The following SLC17A8 variants were observed in gnomAD, a reference collection of about 807,000 sequenced individuals.
The protein encoded by SLC17A8 is vesicular glutamate transporter 3.
Under a neutral mutation model 58.0 loss-of-function variants are expected in SLC17A8, and 31 were observed. That is an observed-to-expected ratio of 0.53 (90% CI 0.40 to 0.72). The LOEUF is 0.72. SLC17A8 is among the 30% of genes least tolerant of loss of function. The probability of loss-of-function intolerance (pLI) is 0.00; values close to 1 mark genes in which losing one functional copy is unlikely to be tolerated. For synonymous variants in SLC17A8, 228 were observed against 249.0 expected (o/e 0.92, Z 0.79); for missense variants, 655 against 727.8 (o/e 0.90, Z 1.15).
chr12:100,398,098 A>G (rs775167263), intron 5 of SLC17A8, among the ~76,000 whole-genome samples: 5 of 152,160 alleles, frequency 3.3e-5, no homozygotes, highest in South Asian at 2.1e-4. Flanking sequence ...TTATTTCTGC[A>G]TATGTTTTAA....
Position 100,420,165 on chromosome 12 carries a change from G to A in SLC17A8, c.*6G>A. On this transcript the variant is annotated 3_prime_UTR_variant, in exon 12 of 12. Transcript: ENST00000323346. Reference sequence around the variant, plus strand: ...ACTTCTCAACTATATCCTAATGTCTGAGAGGCACTTCTGTCTTCTCCTTAC... The same window carrying A: ...ACTTCTCAACTATATCCTAATGTCTAAGAGGCACTTCTGTCTTCTCCTTAC... 9 of 1,604,592 alleles carry A rather than the reference G, an allele frequency of 5.6e-6. No individual in the cohort carries two copies. Among genetic ancestry groups the A allele is most frequent in the Non-Finnish European group, 7.7e-6 (9 of 1,173,738 alleles).
chr12:100,392,680 T>C (rs1471395649), intron 3 of SLC17A8, among the ~76,000 whole-genome samples: 2 of 152,044 alleles, frequency 1.3e-5, no homozygotes, highest in African/African-American at 4.8e-5. Flanking sequence ...GGAAACATCA[T>C]CAACATAAGT....
rs1442275186 is a variant in SLC17A8 at position 100,418,036 on chromosome 12, T to A, written c.1305T>A (p.Asn435Lys). The change falls in exon 11 of 12, where the codon AAT becomes AAA. Residue 435 changes from asparagine (N) to lysine (K), a missense_variant. Coordinates refer to ENST00000323346, the MANE Select transcript of SLC17A8 (RefSeq NM_139319.3). ...GTTTTGGCTTCACTGTAGGTTTTAA[T>A]GTCAACCACCTGGACATTGCCCCAC... ...GFSGFAISGFNVNHLDIAPRY... is the reference protein window; with the variant it reads ...GFSGFAISGFKVNHLDIAPRY... 6.2e-7 allele frequency: 1 copy of A among 1,614,226 alleles called. No individual in the cohort carries two copies. Among genetic ancestry groups the A allele is most frequent in the African/African-American group, 1.3e-5 (1 of 75,060 alleles).
At chr12:100,383,634 G>A (rs1345992027) in intron 2 of SLC17A8, among the ~76,000 whole-genome samples, 1 of 152,110 alleles carries the variant, frequency 6.6e-6, no homozygotes, top group African/African-American at 2.4e-5. Flanking sequence ...TAAGCAGTAT[G>A]AATAGGTAGA....
intron 9 of SLC17A8, among the ~76,000 whole-genome samples, chr12:100,405,926 C>T (rs1952823220): frequency 6.6e-6 from 1 of 152,082 alleles, no homozygotes; most frequent in Non-Finnish European, 1.5e-5. Context: ...GCGGGCAGAC[C>T]ACTTGAGCTC....
chr12:100,400,394 TA>T (rs1952782744), intron 5 of SLC17A8, among the ~76,000 whole-genome samples: 1 of 152,142 alleles, frequency 6.6e-6, no homozygotes, highest in Admixed American at 6.5e-5. Flanking sequence ...CATTATAGCT[TA>T]CAAAGCATCT....
chr12:100,381,007 G>C, intron 2 of SLC17A8, 54 bp downstream of exon 2: 1 of 1,604,370 alleles, frequency 6.2e-7, no homozygotes, highest in Admixed American at 1.7e-5. Context: ...GGTCTCGCTC[G>C]GTCTCCCAGG....
At chr12:100,410,529 TGGACTATAATCCCAGCGACGGG>T (rs1952860140) in intron 9 of SLC17A8, 1 of 146,474 alleles carries the variant, frequency 6.8e-6, no homozygotes, top group Non-Finnish European at 1.5e-5. Context: ...GGCGTGGTGG[TGGACTATAATCCCAGCGACGGG>T]GGAGGCTGAG....
chr12:100,376,727 G>T (rs1952597083), intron 1 of SLC17A8, among the ~76,000 whole-genome samples: 1 of 152,312 alleles, frequency 6.6e-6, no homozygotes, highest in Non-Finnish European at 1.5e-5. Context: ...TATTACTGTG[G>T]TTGTTACATA....
intron 2 of SLC17A8, among the ~76,000 whole-genome samples, chr12:100,382,134 C>G (rs1351318084): frequency 6.6e-6 from 1 of 152,158 alleles, no homozygotes; most frequent in Non-Finnish European, 1.5e-5. Context: ...GGGTAGAGCA[C>G]GTTGAGGTGG....
intron 1 of SLC17A8, among the ~76,000 whole-genome samples, chr12:100,363,411 C>T (rs1952497372): frequency 6.6e-6 from 1 of 152,136 alleles, no homozygotes; most frequent in Admixed American, 6.5e-5. Flanking sequence ...CTCTGTCGCC[C>T]AGGCTGGATG....
chr12:100,412,609 A>AC (rs1261495792), intron 9 of SLC17A8, among the ~76,000 whole-genome samples, 161 bp from the exon 10 acceptor site: 17 of 151,644 alleles, frequency 1.1e-4, no homozygotes, highest in African/African-American at 3.6e-4. Context: ...AAAAAAAAAA[A>AC]AACTTAAATT....
intron 1 of SLC17A8, among the ~76,000 whole-genome samples, chr12:100,380,206 C>A (rs1170636416): frequency 1.1e-3 from 130 of 119,980 alleles, no homozygotes; most frequent in East Asian, 1.4e-3. Context: ...AACTCCGTCT[C>A]AAAAAAAAAA....
At chr12:100,419,126 C>A (rs908282912) in intron 11 of SLC17A8, among the ~76,000 whole-genome samples, 3 of 152,114 alleles carry the variant, frequency 2.0e-5, no homozygotes, top group African/African-American at 7.2e-5. Context: ...AAGAAGGAGA[C>A]TTCTGATATT....
intron 1 of SLC17A8, among the ~76,000 whole-genome samples, chr12:100,379,970 C>A (rs971262926): frequency 5.3e-5 from 8 of 151,906 alleles, no homozygotes; most frequent in Admixed American, 5.2e-4. Flanking sequence ...GAGGCTGAGG[C>A]GGGCGGATCA....
rs59689031 is a variant in SLC17A8 at position 100,421,658 on chromosome 12, G to GTTTTTTT, written c.*1515_*1521dup. The GTTTTTTT allele has an allele frequency of 1.5e-4, 16 of 109,874 alleles. No individual in the cohort carries two copies. The highest frequency in any genetic ancestry group is 3.6e-4 in the African/African-American group (9 of 25,124). The allele number at this position is 109,874 out of a possible 1,614,324, so 6.8% of individuals were successfully genotyped here. On this transcript the variant is annotated 3_prime_UTR_variant, in exon 12 of 12. Coordinates refer to ENST00000323346, the MANE Select transcript of SLC17A8 (RefSeq NM_139319.3). ...TACTTGTAGCTTATTATTGTAAAGT[G>GTTTTTTT]TTTTTTTTTTTTTTTTTTTTTTCTA... is the stretch of plus-strand genomic sequence containing the variant.
intron 5 of SLC17A8, among the ~76,000 whole-genome samples, chr12:100,397,069 G>A (rs1380453718): frequency 6.6e-6 from 1 of 152,108 alleles, no homozygotes; most frequent in Non-Finnish European, 1.5e-5. Context: ...TGTATCATAT[G>A]CTTTACTAAA....
At position 100,363,817 on chromosome 12, in the gene SLC17A8, G is replaced by A. The variant is rs960864942; in HGVS notation, c.101+6325G>A. On this transcript the variant is annotated intron_variant, in intron 1 of 11. Transcript: ENST00000323346. ...GCACTTTGGGAGGCCAACGCAGATG[G>A]ATCATTTGAGGTCAGGAGTTGGAGA... Among the ~76,000 whole-genome samples, 3 of 152,000 alleles carry A rather than the reference G, an allele frequency of 2.0e-5. No homozygotes were observed. In the East Asian group the frequency reaches 5.9e-4, roughly 30 times the overall value.
chr12:100,358,462 G>A (rs1952463039), intron 1 of SLC17A8, among the ~76,000 whole-genome samples: 1 of 151,872 alleles, frequency 6.6e-6, no homozygotes, highest in African/African-American at 2.4e-5. Context: ...CCCATTTCTT[G>A]TGTTTTAAAA....
Sources: gnomAD v4.1 joint callset for allele counts (sites outside exome capture counted in the v4.1 genomes callset) on GRCh38, gnomAD v4.1.1 for gene constraint, MANE v1.5 for transcripts, NCBI Gene and HGNC (gene_info 2026-07-23, HGNC 2026-07-21) for gene names.